The following PCSK5 variants were observed in gnomAD, a reference collection of about 807,000 sequenced individuals.
PCSK5 encodes proprotein convertase subtilisin/kexin type 5.
In PCSK5, 129 loss-of-function variants were observed where a neutral mutation model predicts 233.2. The observed-to-expected ratio is 0.55, with a 90% confidence interval of 0.48 to 0.64. PCSK5 has a LOEUF of 0.64. Ranked by LOEUF, PCSK5 falls within the 30% of genes least tolerant of loss-of-function variation. The pLI, the probability that PCSK5 is intolerant of heterozygous loss-of-function variation, is 0.00. For synonymous variants in PCSK5, 825 were observed against 879.2 expected (o/e 0.94, Z 1.09); for missense variants, 2,076 against 2,430.1 (o/e 0.85, Z 3.06).
intron 2 of PCSK5, among the ~76,000 whole-genome samples, chr9:75,962,906 A>G (rs1044607546): frequency 6.6e-6 from 1 of 152,168 alleles, no homozygotes; most frequent in Non-Finnish European, 1.5e-5. Flanking sequence ...TGTGTTGGTT[A>G]ATCGCATGGG....
chr9:76,356,693 G>A (rs1372625382), intron 37 of PCSK5, among the ~76,000 whole-genome samples: 1 of 152,082 alleles, frequency 6.6e-6, no homozygotes, highest in South Asian at 2.1e-4. Flanking sequence ...TGAAAATTAT[G>A]ATAAAATAGA....
At position 76,132,944 on chromosome 9, in the gene PCSK5, T is replaced by C. The variant is rs113311668; in HGVS notation, c.1209-1165T>C. Reference sequence around the variant, plus strand: ...AAATGTAGTATAAAGTGAAGAAACATACAGGCCCTATCATGAAAAATTAGG... The same window carrying C: ...AAATGTAGTATAAAGTGAAGAAACACACAGGCCCTATCATGAAAAATTAGG... On this transcript the variant is annotated intron_variant, in intron 9 of 37. Transcript: ENST00000674117. 4.6e-3 allele frequency among the ~76,000 whole-genome samples: 694 copies of C among 152,058 alleles called. 5 individuals are homozygous for C. The highest frequency in any genetic ancestry group is 0.016 in the African/African-American group (654 of 41,494).
intron 1 of PCSK5, among the ~76,000 whole-genome samples, chr9:75,892,488 T>C (rs147961474): frequency 1.8e-3 from 265 of 150,818 alleles, no homozygotes; most frequent in African/African-American, 6.4e-3. Context: ...GAATGGGAGG[T>C]GAGGATGATG....
chr9:75,980,327 T>C (rs1351171115), intron 2 of PCSK5, among the ~76,000 whole-genome samples: 3 of 152,186 alleles, frequency 2.0e-5, no homozygotes, highest in Non-Finnish European at 2.9e-5. Context: ...AGTCAAGTTT[T>C]TTCAGTTTGG....
chr9:76,346,870 G>A (rs931487030), intron 35 of PCSK5, among the ~76,000 whole-genome samples: 13 of 151,994 alleles, frequency 8.6e-5, no homozygotes, highest in African/African-American at 1.5e-4. Context: ...ATTATATTTC[G>A]TTCACTTTGG....
intron 5 of PCSK5, among the ~76,000 whole-genome samples, chr9:76,063,316 T>C (rs1243290074): frequency 8.0e-6 from 1 of 125,156 alleles, no homozygotes; most frequent in Non-Finnish European, 1.6e-5. Context: ...TAATTTCTTT[T>C]TTCTTTTTTT....
chr9:76,258,955 A>G (rs1827070605), intron 24 of PCSK5, among the ~76,000 whole-genome samples: 1 of 152,150 alleles, frequency 6.6e-6, no homozygotes, highest in Admixed American at 6.5e-5. Context: ...TCATGTGCCC[A>G]AATGTGCATT....
At chr9:75,928,639 A>ATATATATATATATATATATAT (rs1587374369) in intron 1 of PCSK5, among the ~76,000 whole-genome samples, 2 of 132,464 alleles carry the variant, frequency 1.5e-5, no homozygotes, top group Admixed American at 7.8e-5. Context: ...ATATATATAT[A>ATATATATATATATATATATAT]ATCCTAGAAG....
intron 3 of PCSK5, among the ~76,000 whole-genome samples, chr9:76,009,079 G>T (rs948451593): frequency 6.6e-6 from 1 of 152,104 alleles, no homozygotes; most frequent in Non-Finnish European, 1.5e-5. Context: ...AGAAATGTTT[G>T]TTACTATTTT....
chr9:76,233,278 C>T (rs941998009), intron 21 of PCSK5, among the ~76,000 whole-genome samples, 182 bp from the exon 22 acceptor site: 2 of 152,100 alleles, frequency 1.3e-5, no homozygotes, highest in African/African-American at 4.8e-5. Flanking sequence ...AAATCTTGGG[C>T]CAAGGATGGG....
At chr9:76,314,792 A>G (rs1828974383) in intron 30 of PCSK5, among the ~76,000 whole-genome samples, 1 of 151,588 alleles carries the variant, frequency 6.6e-6, no homozygotes, top group Non-Finnish European at 1.5e-5. Context: ...GCATGCCACC[A>G]CACCTGGCTT....
intron 7 of PCSK5, among the ~76,000 whole-genome samples, chr9:76,088,516 ACT>A (rs1360100703): frequency 1.3e-5 from 2 of 152,178 alleles, no homozygotes; most frequent in African/African-American, 4.8e-5. Flanking sequence ...AAACCTGGAT[ACT>A]CTCTACATTG....
chr9:75,950,754 A>G (rs62555920), intron 2 of PCSK5, among the ~76,000 whole-genome samples: 20,101 of 152,260 alleles, frequency 0.13, 1,514 homozygotes, highest in Non-Finnish European at 0.15. Context: ...TGTAAAGACC[A>G]TCAAGGCTAG....
chr9:76,149,661 A>C (rs1234523573), intron 10 of PCSK5, among the ~76,000 whole-genome samples: 1 of 152,090 alleles, frequency 6.6e-6, no homozygotes, highest in Non-Finnish European at 1.5e-5. Context: ...CTTGTAGTAC[A>C]TTTTTTATCT....
At chr9:76,340,488 T>C (rs1829797369) in intron 35 of PCSK5, among the ~76,000 whole-genome samples, 3 of 151,552 alleles carry the variant, frequency 2.0e-5, no homozygotes, top group African/African-American at 7.3e-5. Flanking sequence ...TCTACTAAAA[T>C]ACTAAAATTA....
chr9:76,003,992 G>A (rs1198727686), intron 3 of PCSK5, among the ~76,000 whole-genome samples: 1 of 151,982 alleles, frequency 6.6e-6, no homozygotes, highest in Non-Finnish European at 1.5e-5. Context: ...TGTAGAGCAG[G>A]GTTTCGTGTT....
intron 3 of PCSK5, among the ~76,000 whole-genome samples, chr9:76,009,187 A>G (rs1019633745): frequency 2.0e-5 from 3 of 152,220 alleles, no homozygotes; most frequent in African/African-American, 7.2e-5. Flanking sequence ...ATTTAATTTT[A>G]TAACAAACGT....
At chr9:76,355,538 G>A (rs1026241222) in intron 37 of PCSK5, among the ~76,000 whole-genome samples, 10 of 152,168 alleles carry the variant, frequency 6.6e-5, no homozygotes, top group Middle Eastern at 3.2e-3. Context: ...TAGTCCAGAA[G>A]TAGATAATTT....
chr9:76,330,535 G>C lies in PCSK5; in HGVS notation c.4571-1898G>C, dbSNP rs574277458. Among the ~76,000 whole-genome samples the C allele has an allele frequency of 3.3e-5, 5 of 152,020 alleles. No individual in the cohort carries two copies. In the South Asian group the frequency reaches 1.0e-3, roughly 32 times the overall value. On this transcript the variant is annotated intron_variant, in intron 33 of 37. Transcript: ENST00000674117. ...AGGTCGAGGCAGGAGGATTGCTTGA[G>C]CCCAGGAGTTCAAGGCCAGTCTAGG...
Sources: allele counts gnomAD v4.1 joint callset (sites outside exome capture counted in the v4.1 genomes callset), GRCh38; gene constraint gnomAD v4.1.1; transcripts MANE v1.5; gene names NCBI Gene and HGNC (gene_info 2026-07-23, HGNC 2026-07-21).